The following ADCY10 variants were observed in gnomAD, a reference collection of about 807,000 sequenced individuals.
ADCY10 encodes the protein adenylate cyclase 10.
A neutral mutation model predicts 183.3 loss-of-function variants in ADCY10; 156 were observed. That is an observed-to-expected ratio of 0.85 (90% confidence interval 0.75 to 0.97). ADCY10 has a LOEUF of 0.97. Ranked by LOEUF, ADCY10 falls within the 50% of genes least tolerant of loss-of-function variation. The pLI, the probability that ADCY10 is intolerant of heterozygous loss-of-function variation, is 0.00. For missense variants in ADCY10, 1,745 were observed against 1,934.3 expected (o/e 0.90, Z 1.84); for synonymous variants, 645 against 670.0 (o/e 0.96, Z 0.58).
Position 167,860,030 on chromosome 1 carries a change from T to C in ADCY10, c.1810-137A>G, listed in dbSNP as rs1666182134. 5 of 721,622 alleles carry C rather than the reference T, an allele frequency of 6.9e-6. No individual in the cohort carries two copies. In the South Asian group the frequency reaches 7.7e-5, roughly 11 times the overall value. The allele number at this position is 721,622 out of a possible 1,614,324, so 44.7% of individuals were successfully genotyped here. ...GTTAGATAAGTGGTCCCAACCTTTTTGGCACCAGGGACTAGTTTTGTGGAA... is the reference window on the plus strand; with the variant it reads ...GTTAGATAAGTGGTCCCAACCTTTTCGGCACCAGGGACTAGTTTTGTGGAA... On this transcript the variant is annotated intron_variant, in intron 15 of 32. Transcript: ENST00000367851.
intron 18 of ADCY10, among the ~76,000 whole-genome samples, chr1:167,849,360 C>A (rs1473250601): frequency 6.6e-6 from 1 of 152,196 alleles, no homozygotes; most frequent in Non-Finnish European, 1.5e-5. Flanking sequence ...TCTATCCCTT[C>A]AGCCATTCAT....
intron 12 of ADCY10, among the ~76,000 whole-genome samples, chr1:167,876,738 C>G (rs965790448): frequency 2.6e-5 from 4 of 152,252 alleles, no homozygotes; most frequent in Non-Finnish European, 5.9e-5. Context: ...GTACCTGTAT[C>G]TGTGCCCTTT....
chr1:167,870,293 A>T lies in ADCY10; in HGVS notation c.1580T>A (p.Met527Lys). Reference protein sequence around the residue: ...LPGYGKSQILMKIEYLAQGKN... With the variant: ...LPGYGKSQILKKIEYLAQGKN... Reference sequence around the variant, plus strand: ...ACCTTGGGCCAGGTACTCAATTTTCATAAGTATCTGGCTTTTTCCATATCC... The same window carrying T: ...ACCTTGGGCCAGGTACTCAATTTTCTTAAGTATCTGGCTTTTTCCATATCC... Residue 527 changes from methionine (M) to lysine (K), a missense_variant, in exon 14 of 33, where the codon ATG (methionine) becomes AAG (lysine). Transcript: ENST00000367851. 3 of 1,614,094 alleles carry T rather than the reference A, an allele frequency of 1.9e-6. No individual in the cohort carries two copies. The highest frequency in any genetic ancestry group is 2.5e-6 in the Non-Finnish European group (3 of 1,179,996).
chr1:167,878,903 A>G (rs1039669667), intron 11 of ADCY10, among the ~76,000 whole-genome samples: 1 of 152,168 alleles, frequency 6.6e-6, no homozygotes, highest in African/African-American at 2.4e-5. Flanking sequence ...TTGAGTATGG[A>G]GCAGGCTCTG....
intron 30 of ADCY10, chr1:167,820,312 G>A (rs1662817759): frequency 2.6e-6 from 3 of 1,154,218 alleles, no homozygotes; most frequent in Admixed American, 2.8e-5. Context: ...TCTCTGGGAA[G>A]GGGACTAGCC....
Position 167,862,472 on chromosome 1 carries a change from C to A in ADCY10, c.1617-1409G>T, listed in dbSNP as rs532892435. On this transcript the variant is annotated intron_variant, in intron 14 of 32. Transcript: ENST00000367851. ...ATGGCCAGCAACCACCAGAAGCTAG[C>A]AGGTGGGCATGAAACAGATTCTTCC... is the stretch of plus-strand genomic sequence containing the variant. Among the ~76,000 whole-genome samples the A allele has an allele frequency of 1.1e-4, 17 of 152,238 alleles. 1 individual carries two copies. In the South Asian group the frequency reaches 3.3e-3, roughly 30 times the overall value.
intron 30 of ADCY10, among the ~76,000 whole-genome samples, chr1:167,819,509 G>A (rs959945596): frequency 1.3e-5 from 2 of 151,970 alleles, no homozygotes; most frequent in Non-Finnish European, 2.9e-5. Flanking sequence ...AAAGTGCTGC[G>A]ATTACAGGCG....
intron 6 of ADCY10, among the ~76,000 whole-genome samples, chr1:167,898,257 T>C (rs1669144243): frequency 6.6e-6 from 1 of 152,048 alleles, no homozygotes; most frequent in South Asian, 2.1e-4. Context: ...AACTTTTCTG[T>C]AAGTCTAACA....
At position 167,834,049 on chromosome 1, in the gene ADCY10, T is replaced by A. The variant is rs1466881449; in HGVS notation, c.3338A>T (p.Lys1113Met). Reference sequence around the variant, plus strand: ...GTCCTTCTTGAGAGTTTTTAGCAACTTCTGTCCTTCATTCAAATACATGTA... The same window carrying A: ...GTCCTTCTTGAGAGTTTTTAGCAACATCTGTCCTTCATTCAAATACATGTA... ...MAYMYLNEGQKLLKTLKKDKS... is the reference protein window; with the variant it reads ...MAYMYLNEGQMLLKTLKKDKS... The change falls in exon 24 of 33, where the codon AAG becomes ATG. Residue 1113 changes from lysine (K) to methionine (M), a missense_variant. By Grantham distance (95) the Lys-to-Met change is moderately conservative. Transcript: ENST00000367851. The A allele has an allele frequency of 6.2e-7, 1 of 1,614,040 alleles. No homozygotes were observed. The highest frequency in any genetic ancestry group is 8.5e-7 in the Non-Finnish European group (1 of 1,180,010).
At chr1:167,901,619 C>CTA (rs760682650) in intron 5 of ADCY10, 43 bp downstream of exon 5, 18 of 1,599,636 alleles carry the variant, frequency 1.1e-5, no homozygotes, top group South Asian at 6.6e-5. Flanking sequence ...AGTCAAGACC[C>CTA]TATCCCAGCT....
At chr1:167,863,007 C>T (rs774511840) in intron 14 of ADCY10, among the ~76,000 whole-genome samples, 6 of 152,186 alleles carry the variant, frequency 3.9e-5, no homozygotes, top group Non-Finnish European at 8.8e-5. Flanking sequence ...TATATTAGAT[C>T]TGTCTTCCAG....
At chr1:167,903,752 G>A in intron 3 of ADCY10, 135 bp downstream of exon 3, 1 of 687,900 alleles carries the variant, frequency 1.5e-6, no homozygotes. Context: ...TTTCAAAAAA[G>A]ACTGGTTTTA....
At chr1:167,832,917 CT>C in intron 25 of ADCY10, 69 bp downstream of exon 25, 2 of 1,550,576 alleles carry the variant, frequency 1.3e-6, no homozygotes, top group Non-Finnish European at 8.9e-7. Context: ...TGGGGGCTGA[CT>C]TGGATTATGT....
chr1:167,820,604 A>G (rs1249352269), intron 30 of ADCY10: 2 of 199,610 alleles, frequency 1.0e-5, no homozygotes, highest in Non-Finnish European at 2.0e-5. Flanking sequence ...AGAGTAATCA[A>G]TTTTTGGATT....
intron 8 of ADCY10, among the ~76,000 whole-genome samples, chr1:167,891,246 C>T (rs1668568206): frequency 6.6e-6 from 1 of 152,142 alleles, no homozygotes; most frequent in Non-Finnish European, 1.5e-5. Flanking sequence ...AGGCGTGAGC[C>T]ATCACGCTTG....
chr1:167,849,061 T>C (rs1665282102), intron 18 of ADCY10, among the ~76,000 whole-genome samples: 1 of 152,096 alleles, frequency 6.6e-6, no homozygotes. Flanking sequence ...ATGTCTTCCA[T>C]AGGATATAAG....
rs1207002664 is a variant in ADCY10 at position 167,909,287 on chromosome 1, GA to G, written c.-58-4090del. 5.3e-5 allele frequency among the ~76,000 whole-genome samples: 8 copies of G among 151,976 alleles called. No homozygotes were observed. The East Asian group carries it at 1.5e-3, about 29-fold the overall frequency. On this transcript the variant is annotated intron_variant, in intron 1 of 32. Transcript: ENST00000367851. ...CAAAACATTTATCCACTATACTATT[GA>G]CCTGTGGGTTGTTCCCACTTTTAGA...
intron 5 of ADCY10, 84 bp downstream of exon 5, chr1:167,901,578 A>T (rs1669424372): frequency 1.5e-6 from 2 of 1,368,746 alleles, no homozygotes; most frequent in Admixed American, 3.4e-5. Flanking sequence ...ATGTTCTACT[A>T]CTTCTCTTTG....
chr1:167,861,018 G>A lies in ADCY10; in HGVS notation c.1662C>T (p.Phe554=), dbSNP rs201763477. The change falls in exon 15 of 33, where the codon TTC becomes TTT. Residue 554 remains phenylalanine, a synonymous_variant. Coordinates refer to ENST00000367851, the MANE Select transcript of ADCY10 (RefSeq NM_018417.6). ...TGGCCATGAACATCTGGATGGTATA[G>A]AAAGTTTGATGGAAGCTGATCTTAT... is the stretch of plus-strand genomic sequence containing the variant. ...SLNKISFHQT[F]YTIQMFMANV... The A allele has an allele frequency of 8.1e-6, 13 of 1,614,182 alleles. No individual in the cohort carries two copies. In the East Asian group the frequency reaches 2.9e-4, roughly 36 times the overall value.
Sources: gnomAD v4.1 joint callset for allele counts (sites outside exome capture counted in the v4.1 genomes callset) on GRCh38, gnomAD v4.1.1 for gene constraint, MANE v1.5 for transcripts, NCBI Gene and HGNC (gene_info 2026-07-23, HGNC 2026-07-21) for gene names.